LMNTD1: variants seen among roughly 807,000 people sequenced by gnomAD.
The protein encoded by LMNTD1 is lamin tail domain-containing protein 1.
Under a neutral mutation model 50.9 loss-of-function variants are expected in LMNTD1, and 35 were observed. The observed-to-expected ratio is 0.69, with a 90% confidence interval of 0.53 to 0.91. The LOEUF (loss-of-function observed/expected upper bound fraction) is 0.91, where lower values mean the gene tolerates loss of function less well. Ranked by LOEUF, LMNTD1 falls within the 40% of genes least tolerant of loss-of-function variation. The pLI is 0.00. For synonymous variants in LMNTD1, 153 were observed against 161.9 expected (o/e 0.94, Z 0.42); for missense variants, 470 against 475.5 (o/e 0.99, Z 0.11).
intron 1 of LMNTD1, among the ~76,000 whole-genome samples, chr12:25,573,349 A>G (rs2136369364): frequency 6.6e-6 from 1 of 152,204 alleles, no homozygotes; most frequent in Admixed American, 6.5e-5. Context: ...TAGGTACCTC[A>G]CTAGAGGCAG....
chr12:25,538,511 A>G (rs1264521233), intron 4 of LMNTD1, among the ~76,000 whole-genome samples: 1 of 141,950 alleles, frequency 7.0e-6, no homozygotes, highest in Non-Finnish European at 1.5e-5. Context: ...TACTTTATAG[A>G]CAAGCAAATG....
intron 1 of LMNTD1, among the ~76,000 whole-genome samples, chr12:25,626,493 C>T (rs1333276246): frequency 6.6e-6 from 1 of 152,070 alleles, no homozygotes; most frequent in East Asian, 1.9e-4. Flanking sequence ...ACTCTTACTT[C>T]CATAAGAGTA....
chr12:25,626,355 C>CACAT (rs1555124922), intron 1 of LMNTD1, among the ~76,000 whole-genome samples: 2 of 151,742 alleles, frequency 1.3e-5, no homozygotes, highest in African/African-American at 4.8e-5. Flanking sequence ...CACACACACA[C>CACAT]ATATATATAC....
chr12:25,600,292 C>T (rs61313078), intron 1 of LMNTD1, among the ~76,000 whole-genome samples: 2 of 151,754 alleles, frequency 1.3e-5, no homozygotes, highest in Non-Finnish European at 2.9e-5. Flanking sequence ...CATACAAAAC[C>T]ACAATCAAAA....
chr12:25,553,802 TTAA>T (rs1943911969), upstream of LMNTD1, among the ~76,000 whole-genome samples: 1 of 152,162 alleles, frequency 6.6e-6, no homozygotes, highest in African/African-American at 2.4e-5. Context: ...GGCAATAAAA[TTAA>T]TAACTATGAA....
At chr12:25,546,624 G>T in intron 3 of LMNTD1, 70 bp from the exon 4 acceptor site, 1 of 927,094 alleles carries the variant, frequency 1.1e-6, no homozygotes, top group Admixed American at 3.6e-5. Flanking sequence ...AGGACCTAAA[G>T]CCATTATCTT....
upstream of LMNTD1, among the ~76,000 whole-genome samples, chr12:25,555,401 G>C (rs1292863085): frequency 6.6e-6 from 1 of 152,118 alleles, no homozygotes; most frequent in African/African-American, 2.4e-5. Context: ...ATGTAATACA[G>C]GAAACAGAAG....
intron 4 of LMNTD1, among the ~76,000 whole-genome samples, chr12:25,539,671 A>G (rs9795552): frequency 0.67 from 98,830 of 147,994 alleles, 33,428 homozygotes; most frequent in Admixed American, 0.73. Context: ...AGAACTAGAA[A>G]AGCAAGAGCA....
intron 4 of LMNTD1, among the ~76,000 whole-genome samples, chr12:25,534,384 T>A (rs1942431234): frequency 6.6e-6 from 1 of 152,188 alleles, no homozygotes; most frequent in Non-Finnish European, 1.5e-5. Context: ...AGAATAGTGA[T>A]ACTTGAGAGA....
At chr12:25,620,525 G>T (rs978839457) in intron 1 of LMNTD1, among the ~76,000 whole-genome samples, 5 of 152,076 alleles carry the variant, frequency 3.3e-5, no homozygotes, top group Non-Finnish European at 7.4e-5. Context: ...TCTTCAACAA[G>T]ATAGGAGTAC....
At chr12:25,585,758 T>C (rs1003156833) in intron 1 of LMNTD1, among the ~76,000 whole-genome samples, 50 of 152,234 alleles carry the variant, frequency 3.3e-4, no homozygotes, top group African/African-American at 1.2e-3. Context: ...CTCAATTATC[T>C]TTTCTCATTG....
chr12:25,626,942 G>A (rs1946603522), intron 1 of LMNTD1, among the ~76,000 whole-genome samples: 1 of 152,182 alleles, frequency 6.6e-6, no homozygotes, highest in Admixed American at 6.5e-5. Flanking sequence ...GTAAGGAAAT[G>A]TTTGATGCAC....
At chr12:25,508,098 ACC>A in intron 8 of LMNTD1, among the ~76,000 whole-genome samples, 1 of 100,274 alleles carries the variant, frequency 1.0e-5, no homozygotes, top group Admixed American at 1.1e-4. Flanking sequence ...TTCTTCCCTT[ACC>A]AGTTTTTATT....
intron 9 of LMNTD1, among the ~76,000 whole-genome samples, chr12:25,491,351 A>G (rs979847132): frequency 2.0e-5 from 3 of 152,210 alleles, no homozygotes; most frequent in Admixed American, 6.5e-5. Flanking sequence ...GAAACTTTCT[A>G]TAAGAGAAGT....
At chr12:25,603,923 A>G (rs906351080) in intron 1 of LMNTD1, among the ~76,000 whole-genome samples, 1 of 148,524 alleles carries the variant, frequency 6.7e-6, no homozygotes, top group African/African-American at 2.4e-5. Context: ...GATATAAGAA[A>G]TACCAGAGAC....
At chr12:25,541,065 G>T (rs1943033688) in intron 4 of LMNTD1, among the ~76,000 whole-genome samples, 1 of 104,542 alleles carries the variant, frequency 9.6e-6, no homozygotes, top group South Asian at 3.1e-4. Context: ...CGCTGCTCAA[G>T]GAAATAAAAG....
chr12:25,620,054 T>G (rs1003536454), intron 1 of LMNTD1, among the ~76,000 whole-genome samples: 1 of 152,196 alleles, frequency 6.6e-6, no homozygotes, highest in Non-Finnish European at 1.5e-5. Flanking sequence ...ATTCCATAAT[T>G]TAGATTCTCT....
intron 9 of LMNTD1, chr12:25,497,731 G>GA (rs1477704010): frequency 6.6e-6 from 1 of 151,990 alleles, no homozygotes; most frequent in Non-Finnish European, 1.5e-5. Context: ...CTGGGAGGCG[G>GA]AGGCTGCAGT....
chr12:25,487,395 T>G (rs1219251252), intron 9 of LMNTD1, among the ~76,000 whole-genome samples: 1 of 134,146 alleles, frequency 7.5e-6, no homozygotes, highest in African/African-American at 2.8e-5. Context: ...GTAATGGCCT[T>G]CTTTGTCTCT....
Sources: gnomAD v4.1 joint callset for allele counts (sites outside exome capture counted in the v4.1 genomes callset) on GRCh38, gnomAD v4.1.1 for gene constraint, MANE v1.5 for transcripts, NCBI Gene and HGNC (gene_info 2026-07-23, HGNC 2026-07-21) for gene names.